Variants in IPCEF1 observed in about 807,000 individuals in gnomAD.
IPCEF1 encodes the protein interactor protein for cytohesin exchange factors 1.
Under a neutral mutation model 50.9 loss-of-function variants are expected in IPCEF1, and 31 were observed. That is an observed-to-expected ratio of 0.61 (90% CI 0.46 to 0.82). IPCEF1 has a LOEUF of 0.82. IPCEF1 is among the 40% of genes least tolerant of loss of function. The pLI is 0.00. For synonymous variants in IPCEF1, 181 were observed against 192.0 expected, an observed-to-expected ratio of 0.94 and a Z score of 0.47; for missense variants, 458 against 514.0, an observed-to-expected ratio of 0.89 and a Z score of 1.05.
At chr6:154,321,796 A>AC (rs1259754663) in intron 1 of IPCEF1, among the ~76,000 whole-genome samples, 2 of 149,990 alleles carry the variant, frequency 1.3e-5, no homozygotes, top group African/African-American at 4.9e-5. Flanking sequence ...AAAAAAAAAA[A>AC]AAAAAAAAAA....
At chr6:154,251,755 C>G (rs1343280540) in intron 3 of IPCEF1, among the ~76,000 whole-genome samples, 1 of 151,906 alleles carries the variant, frequency 6.6e-6, no homozygotes, top group Admixed American at 6.6e-5. Context: ...CGGCACTTTC[C>G]ACCTAGAAGA....
chr6:154,281,841 A>G (rs1157941908), intron 2 of IPCEF1, among the ~76,000 whole-genome samples: 4 of 152,150 alleles, frequency 2.6e-5, no homozygotes, highest in African/African-American at 4.8e-5. Context: ...CGTCTCTACT[A>G]AAAATACAAA....
At chr6:154,222,466 A>C (rs1778941836) in intron 6 of IPCEF1, among the ~76,000 whole-genome samples, 1 of 152,262 alleles carries the variant, frequency 6.6e-6, no homozygotes, top group Non-Finnish European at 1.5e-5. Flanking sequence ...CAAAGGTAGA[A>C]GAAATAATAA....
At chr6:154,341,436 G>T (rs1231174597) in intron 1 of IPCEF1, among the ~76,000 whole-genome samples, 1 of 152,188 alleles carries the variant, frequency 6.6e-6, no homozygotes, top group African/African-American at 2.4e-5. Context: ...GGGGATGGAG[G>T]TTATGATTGA....
At chr6:154,185,466 A>C (rs1435324608) in intron 10 of IPCEF1, among the ~76,000 whole-genome samples, 1 of 152,242 alleles carries the variant, frequency 6.6e-6, no homozygotes, top group Non-Finnish European at 1.5e-5. Flanking sequence ...AAACTTTACA[A>C]ATCAGTTCAG....
intron 2 of IPCEF1, among the ~76,000 whole-genome samples, chr6:154,272,872 T>C (rs1262891589): frequency 6.6e-6 from 1 of 152,228 alleles, no homozygotes; most frequent in Non-Finnish European, 1.5e-5. Flanking sequence ...TCAGTATTTT[T>C]TTTAAGAATC....
At chr6:154,249,776 A>G (rs1781291423) in intron 3 of IPCEF1, among the ~76,000 whole-genome samples, 2 of 152,016 alleles carry the variant, frequency 1.3e-5, no homozygotes, top group South Asian at 4.1e-4. Flanking sequence ...GGCTACTTCC[A>G]GGGAAAGCCC....
At chr6:154,186,251 C>T (rs1421287085) in intron 10 of IPCEF1, among the ~76,000 whole-genome samples, 2 of 152,200 alleles carry the variant, frequency 1.3e-5, no homozygotes, top group Non-Finnish European at 2.9e-5. Flanking sequence ...TTTATATCTC[C>T]AAGTGTTAGG....
At chr6:154,268,600 C>T (rs1781816706) in intron 2 of IPCEF1, among the ~76,000 whole-genome samples, 1 of 152,116 alleles carries the variant, frequency 6.6e-6, no homozygotes, top group South Asian at 2.1e-4. Flanking sequence ...TCACCTCTGT[C>T]CTTATATCCC....
intron 2 of IPCEF1, among the ~76,000 whole-genome samples, chr6:154,275,964 G>C (rs1028460166): frequency 1.5e-4 from 23 of 152,182 alleles, no homozygotes; most frequent in African/African-American, 5.5e-4. Context: ...TGGATCACTT[G>C]AGGTCAGGAG....
rs576071082 is a variant in IPCEF1, at chr6:154,169,889, T to C, written c.911-1776A>G. On this transcript the variant is annotated intron_variant, in intron 10 of 11. Transcript: ENST00000367220. Reference sequence around the variant, plus strand: ...TTTGGAGTATCAGATAAGTAATCTCTCTTTTTTCTTAAGCTGAATGTTGTG... The same window carrying C: ...TTTGGAGTATCAGATAAGTAATCTCCCTTTTTTCTTAAGCTGAATGTTGTG... 3.9e-5 allele frequency among the ~76,000 whole-genome samples: 6 copies of C among 152,322 alleles called. No homozygotes were observed. In the East Asian group the frequency reaches 1.2e-3, roughly 29 times the overall value.
intron 10 of IPCEF1, among the ~76,000 whole-genome samples, chr6:154,171,720 A>C (rs7745499): frequency 0.63 from 95,704 of 152,050 alleles, 31,000 homozygotes; most frequent in African/African-American, 0.77. Flanking sequence ...GGCCACAGTC[A>C]TGGGGTCAAG....
intron 7 of IPCEF1, chr6:154,217,092 G>T: frequency 6.1e-6 from 1 of 162,648 alleles, no homozygotes; most frequent in East Asian, 1.8e-4. Context: ...GTCACTTTAC[G>T]GAAACAACGT....
At chr6:154,233,519 T>C (rs959638893) in intron 5 of IPCEF1, among the ~76,000 whole-genome samples, 7 of 152,000 alleles carry the variant, frequency 4.6e-5, no homozygotes, top group African/African-American at 1.7e-4. Flanking sequence ...TAGAAATAGA[T>C]ATTCTACATA....
chr6:154,184,087 G>A lies in IPCEF1; in HGVS notation c.910+15581C>T, dbSNP rs547711576. ...ATAGCTGAAAGCTGGTACAGCTGTTGTTGTTGCTTTATTTAAGAGAAAGTT... is the reference window on the plus strand; with the variant it reads ...ATAGCTGAAAGCTGGTACAGCTGTTATTGTTGCTTTATTTAAGAGAAAGTT... On this transcript the variant is annotated intron_variant, in intron 10 of 11. Coordinates refer to ENST00000367220, the MANE Select transcript of IPCEF1 (RefSeq NM_001130700.2). Among the ~76,000 whole-genome samples the A allele has an allele frequency of 5.3e-5, 8 of 152,030 alleles. No individual in the cohort carries two copies. In the South Asian group the frequency reaches 1.7e-3, roughly 32 times the overall value.
At position 154,199,750 on chromosome 6, in the gene IPCEF1, A is replaced by G. The variant is rs760026500; in HGVS notation, c.828T>C (p.Ser276=). The part of the protein sequence containing the change: ...SESGFLNSLS[S]DDTSSLSSNH... The stretch of plus-strand genomic sequence containing the variant: ...TGCTACTCAATGAAGAAGTATCATC[A>G]CTAGATAAAGAGTTCAAAAATCCAC... Residue 276 remains serine, a synonymous_variant, in exon 10 of 12, where the codon AGT becomes AGC. Transcript: ENST00000367220. 2 of 1,614,234 alleles carry G rather than the reference A, an allele frequency of 1.2e-6. No individual in the cohort carries two copies. The highest frequency in any genetic ancestry group is 8.5e-7 in the Non-Finnish European group (1 of 1,180,030).
intron 5 of IPCEF1, among the ~76,000 whole-genome samples, chr6:154,236,282 T>C (rs560926855): frequency 1.2e-4 from 19 of 152,214 alleles, no homozygotes; most frequent in African/African-American, 4.6e-4. Context: ...CTAAGTAAAA[T>C]AGGCCAGTCA....
rs999661981 is a variant in IPCEF1, at chr6:154,168,487, C to T, written c.911-374G>A. ...AGTCATGTTGGATTAGAAACCTGCC[C>T]TATTAACTCATCTTAACTAGTTAAA... On this transcript the variant is annotated intron_variant, in intron 10 of 11. Transcript: ENST00000367220. This position sits in a 1 kb window ranked among gnomAD's most constrained non-coding sequence, Gnocchi z 4.1. Among the ~76,000 whole-genome samples the T allele has an allele frequency of 1.3e-5, 2 of 152,136 alleles. No homozygotes were observed. Among genetic ancestry groups the T allele is most frequent in the Non-Finnish European group, 2.9e-5 (2 of 68,048 alleles).
At chr6:154,184,014 A>C (rs1801124055) in intron 10 of IPCEF1, among the ~76,000 whole-genome samples, 3 of 152,122 alleles carry the variant, frequency 2.0e-5, no homozygotes, top group Admixed American at 1.3e-4. Flanking sequence ...AGTACTGCTA[A>C]CTCTAGTCAC....
Sources: gnomAD v4.1 joint callset for allele counts (sites outside exome capture counted in the v4.1 genomes callset) on GRCh38, gnomAD v4.1.1 for gene constraint, Gnocchi (gnomAD v3.1) non-coding constraint, MANE v1.5 for transcripts, NCBI Gene and HGNC (gene_info 2026-07-23, HGNC 2026-07-21) for gene names.